The following PEX5L variants were observed in gnomAD, a reference collection of about 807,000 sequenced individuals.
The protein encoded by PEX5L is PEX5-related protein.
A neutral mutation model predicts 84.0 loss-of-function variants in PEX5L; 30 were observed. The observed-to-expected ratio is 0.36, with a 90% CI of 0.27 to 0.48. The LOEUF (loss-of-function observed/expected upper bound fraction) is 0.48, where lower values mean the gene tolerates loss of function less well. PEX5L is among the 20% of genes least tolerant of loss of function. The pLI, the probability that PEX5L is intolerant of heterozygous loss-of-function variation, is 0.99. For missense variants in PEX5L, 533 were observed against 754.6 expected (o/e 0.71, Z 3.44); for synonymous variants, 270 against 283.1 (o/e 0.95, Z 0.46).
chr3:179,904,321 C>T (rs1762405586), intron 2 of PEX5L, among the ~76,000 whole-genome samples: 1 of 152,224 alleles, frequency 6.6e-6, no homozygotes, highest in South Asian at 2.1e-4. Flanking sequence ...TATTATATAA[C>T]TCCTGGACCT....
At chr3:180,013,174 A>G (rs77746240) in intron 1 of PEX5L, among the ~76,000 whole-genome samples, 12,566 of 152,268 alleles carry the variant, frequency 0.083, 889 homozygotes, top group African/African-American at 0.19. Context: ...GTACAAAACT[A>G]TAAACAATTG....
At position 179,801,317 on chromosome 3, in the gene PEX5L, G is replaced by C. The variant is rs1405886745; in HGVS notation, c.*511C>G. ...AGGGCTACAGTAAAAGTTAAAATTGGAACAGGTTTAAGCAATGTCTGTCTT... is the reference window on the plus strand; with the variant it reads ...AGGGCTACAGTAAAAGTTAAAATTGCAACAGGTTTAAGCAATGTCTGTCTT... On this transcript the variant is annotated 3_prime_UTR_variant, in exon 15 of 15. Coordinates refer to ENST00000467460, the MANE Select transcript of PEX5L (RefSeq NM_016559.3). 1 of 154,636 alleles carries C rather than the reference G, an allele frequency of 6.5e-6. No individual in the cohort carries two copies. Among genetic ancestry groups the C allele is most frequent in the Admixed American group, 6.4e-5 (1 of 15,736 alleles). The allele number at this position is 154,636 out of a possible 1,614,324, so 9.6% of individuals were successfully genotyped here.
intron 14 of PEX5L, among the ~76,000 whole-genome samples, chr3:179,803,110 T>C (rs1466132385): frequency 6.6e-6 from 1 of 152,206 alleles, no homozygotes; most frequent in Non-Finnish European, 1.5e-5. Flanking sequence ...TACAGTGGAA[T>C]TTTCCAGAGA....
chr3:179,887,737 G>C lies in PEX5L; in HGVS notation c.246C>G (p.Ile82Met), dbSNP rs754547679. 1.2e-6 allele frequency: 2 copies of C among 1,613,954 alleles called. No individual in the cohort carries two copies. Among genetic ancestry groups the C allele is most frequent in the Non-Finnish European group, 1.7e-6 (2 of 1,179,872 alleles). Residue 82 changes from isoleucine to methionine, a missense_variant, in exon 4 of 15, where the codon ATC becomes ATG. By Grantham distance (10) the Ile-to-Met change is conservative. This residue lies in a region of PEX5L where 259 missense variants were observed against 301.7 expected (regional missense o/e 0.86). Coordinates refer to ENST00000467460, the MANE Select transcript of PEX5L (RefSeq NM_016559.3). The part of the protein sequence containing the change: ...QESRPLLSPS[I>M]DDFLCETKSE... ...ATTTGGTTTCACAGAGAAAGTCATC[G>C]ATGGAGGGACTCAGGAGGGGTCTGC...
At chr3:180,019,936 G>A (rs897391079) in intron 1 of PEX5L, among the ~76,000 whole-genome samples, 2 of 152,184 alleles carry the variant, frequency 1.3e-5, no homozygotes, top group East Asian at 1.9e-4. Context: ...ATCGACAAGA[G>A]TCAGAAATCA....
At chr3:179,886,194 A>G (rs961279888) in intron 4 of PEX5L, among the ~76,000 whole-genome samples, 3 of 152,192 alleles carry the variant, frequency 2.0e-5, no homozygotes, top group African/African-American at 7.2e-5. Flanking sequence ...TTCACCTGCA[A>G]TTGGACATAC....
intron 1 of PEX5L, among the ~76,000 whole-genome samples, chr3:180,031,278 T>C (rs1320370030): frequency 2.0e-5 from 3 of 152,102 alleles, no homozygotes; most frequent in East Asian, 3.9e-4. Flanking sequence ...CTATAATAAT[T>C]TTTCTGAGCA....
At chr3:179,916,031 G>A (rs1054296844) in intron 2 of PEX5L, among the ~76,000 whole-genome samples, 2 of 152,174 alleles carry the variant, frequency 1.3e-5, no homozygotes, top group Non-Finnish European at 2.9e-5. Flanking sequence ...ATCAAAGCCA[G>A]TAGCCTAGTA....
At chr3:179,944,686 G>C (rs984191039) in intron 2 of PEX5L, among the ~76,000 whole-genome samples, 8 of 152,126 alleles carry the variant, frequency 5.3e-5, no homozygotes, top group Non-Finnish European at 2.9e-5. Context: ...GGTAAATCTT[G>C]TAAGATTCCA....
chr3:179,866,603 G>A (rs1748259537), intron 7 of PEX5L, among the ~76,000 whole-genome samples: 1 of 152,144 alleles, frequency 6.6e-6, no homozygotes, highest in Non-Finnish European at 1.5e-5. Flanking sequence ...GTGACTTTTA[G>A]AGAACTTTTG....
At chr3:179,965,781 T>C (rs986709728) in intron 2 of PEX5L, among the ~76,000 whole-genome samples, 3 of 152,152 alleles carry the variant, frequency 2.0e-5, no homozygotes, top group African/African-American at 7.2e-5. Context: ...GTAAGATAAT[T>C]TGCATTACTG....
chr3:179,879,449 A>G lies in PEX5L; in HGVS notation c.505+480T>C, dbSNP rs1487996549. On this transcript the variant is annotated intron_variant, in intron 5 of 14. Coordinates refer to ENST00000467460, the MANE Select transcript of PEX5L (RefSeq NM_016559.3). ...ATTTAATGAGATAATATATGTAAGT[A>G]ATGTACTGTGGTTCCTAGGCATTGT... Among the ~76,000 whole-genome samples the G allele has an allele frequency of 3.9e-5, 6 of 152,352 alleles. No individual in the cohort carries two copies. The East Asian group carries it at 9.6e-4, about 24-fold the overall frequency.
At chr3:179,994,682 G>A (rs933520965) in intron 1 of PEX5L, among the ~76,000 whole-genome samples, 1 of 152,138 alleles carries the variant, frequency 6.6e-6, no homozygotes, top group Non-Finnish European at 1.5e-5. Flanking sequence ...GTGTGTCTGT[G>A]AGGGTGTTGC....
intron 2 of PEX5L, among the ~76,000 whole-genome samples, chr3:179,943,104 ATTG>A (rs1232000028): frequency 3.9e-5 from 6 of 152,196 alleles, no homozygotes; most frequent in East Asian, 1.9e-4. Flanking sequence ...GTTGAATATT[ATTG>A]TTGTTATTAT....
chr3:179,945,863 G>C (rs1418311986), intron 2 of PEX5L, among the ~76,000 whole-genome samples: 1 of 152,066 alleles, frequency 6.6e-6, no homozygotes, highest in Non-Finnish European at 1.5e-5. Flanking sequence ...TCCCACTCGA[G>C]GTCACGCAGT....
intron 2 of PEX5L, among the ~76,000 whole-genome samples, chr3:179,961,633 T>C (rs940779708): frequency 6.6e-6 from 1 of 152,196 alleles, no homozygotes; most frequent in African/African-American, 2.4e-5. Context: ...TGTTTAAATA[T>C]GAAAATAAGA....
At chr3:179,987,598 T>C (rs73883462) in intron 1 of PEX5L, among the ~76,000 whole-genome samples, 35,287 of 152,012 alleles carry the variant, frequency 0.23, 5,650 homozygotes, top group African/African-American at 0.46. Flanking sequence ...TGGTTCACTT[T>C]CTTGTGAACT....
intron 1 of PEX5L, among the ~76,000 whole-genome samples, chr3:180,012,919 C>A (rs1337734855): frequency 6.6e-6 from 1 of 151,902 alleles, no homozygotes; most frequent in Non-Finnish European, 1.5e-5. Context: ...ATCAAGTATT[C>A]ATAACATGGA....
At chr3:179,868,928 G>A (rs928930713) in intron 7 of PEX5L, among the ~76,000 whole-genome samples, 5 of 151,220 alleles carry the variant, frequency 3.3e-5, no homozygotes, top group African/African-American at 1.2e-4. Flanking sequence ...TACACGTTAA[G>A]AACATCTGTA....
Sources: allele counts gnomAD v4.1 joint callset (sites outside exome capture counted in the v4.1 genomes callset), GRCh38; gene constraint gnomAD v4.1.1; regional missense constraint gnomAD v4.1.1; transcripts MANE v1.5; gene names NCBI Gene and HGNC (gene_info 2026-07-23, HGNC 2026-07-21).